ADAMTSL1: variants seen among roughly 807,000 people sequenced by gnomAD.
ADAMTSL1 encodes the protein ADAMTS-like protein 1.
ADAMTSL1 carries 126 observed loss-of-function variants against 201.8 expected under a neutral mutation model. The ratio of observed to expected loss-of-function variants is 0.62; its 90% CI spans 0.54 to 0.72. The LOEUF is 0.72. Among genes scored for constraint, ADAMTSL1 ranks in the 30% least tolerant of loss-of-function variants. The pLI is 0.00. For missense variants in ADAMTSL1, 2,679 were observed against 2,277.8 expected, an observed-to-expected ratio of 1.18 and a Z score of -3.59; for synonymous variants, 1,121 against 903.4, an observed-to-expected ratio of 1.24 and a Z score of -4.32.
chr9:18,778,007 G>A (rs758243119), intron 19 of ADAMTSL1, 101 bp downstream of exon 19: 14 of 1,452,920 alleles, frequency 9.6e-6, no homozygotes, highest in African/African-American at 1.4e-5. Flanking sequence ...CCAGGGGTAG[G>A]GCTTAGAGCT....
intron 23 of ADAMTSL1, among the ~76,000 whole-genome samples, chr9:18,834,579 A>C (rs1825195659): frequency 6.6e-6 from 1 of 152,144 alleles, no homozygotes; most frequent in African/African-American, 2.4e-5. Flanking sequence ...AACATATTTT[A>C]TCAGCCCCCA....
intron 7 of ADAMTSL1, among the ~76,000 whole-genome samples, chr9:18,644,997 C>A (rs555378440): frequency 1.5e-3 from 235 of 152,136 alleles, no homozygotes; most frequent in Non-Finnish European, 2.4e-3. Context: ...AGTTTACAGT[C>A]CCACCAACAG....
chr9:18,114,002 G>A (rs1280597144), intron 1 of ADAMTSL1, among the ~76,000 whole-genome samples: 3 of 152,030 alleles, frequency 2.0e-5, no homozygotes, highest in African/African-American at 4.8e-5. Context: ...TGTCATAAAT[G>A]CGAAGAATGG....
intron 20 of ADAMTSL1, among the ~76,000 whole-genome samples, chr9:18,814,381 T>G (rs1823703373): frequency 2.0e-5 from 3 of 152,148 alleles, no homozygotes; most frequent in Admixed American, 1.3e-4. Flanking sequence ...TACATCCAAC[T>G]GAAAAGCTTC....
At chr9:18,552,498 C>T (rs1490853013) in intron 3 of ADAMTSL1, among the ~76,000 whole-genome samples, 4 of 151,774 alleles carry the variant, frequency 2.6e-5, no homozygotes, top group Admixed American at 6.6e-5. Flanking sequence ...GTTATCCACA[C>T]TTTCTTGTAG....
chr9:18,008,035 A>C (rs1563946155), intron 1 of ADAMTSL1, among the ~76,000 whole-genome samples: 1 of 152,048 alleles, frequency 6.6e-6, no homozygotes. Context: ...TTTTGCTCTA[A>C]TTAGAAAGAA....
chr9:18,150,003 T>C (rs1482184700), intron 1 of ADAMTSL1, among the ~76,000 whole-genome samples: 1 of 152,032 alleles, frequency 6.6e-6, no homozygotes, highest in Admixed American at 6.6e-5. Flanking sequence ...CAAGAACACA[T>C]TTGGAAAGGC....
intron 27 of ADAMTSL1, 146 bp from the exon 28 acceptor site, chr9:18,906,546 G>A: frequency 1.5e-6 from 1 of 668,398 alleles, no homozygotes; most frequent in South Asian, 2.0e-5. Flanking sequence ...TTTAGTAACA[G>A]CACAGAAATC....
At chr9:18,230,733 C>T (rs1830617071) in intron 2 of ADAMTSL1, among the ~76,000 whole-genome samples, 2 of 152,122 alleles carry the variant, frequency 1.3e-5, no homozygotes, top group Admixed American at 1.3e-4. Flanking sequence ...TTTTCCTAAA[C>T]ATTATTATAA....
intron 1 of ADAMTSL1, among the ~76,000 whole-genome samples, chr9:18,044,093 G>A (rs1355249154): frequency 6.6e-6 from 1 of 150,376 alleles, no homozygotes; most frequent in Non-Finnish European, 1.5e-5. Context: ...CCTGCTATGT[G>A]TAGGCTATTG....
intron 2 of ADAMTSL1, among the ~76,000 whole-genome samples, chr9:18,526,846 C>T (rs140763454): frequency 2.0e-5 from 3 of 152,136 alleles, no homozygotes; most frequent in African/African-American, 7.2e-5. Flanking sequence ...TGCAAATCCG[C>T]TTATCTTGTT....
Position 18,777,666 on chromosome 9 carries a change from G to C in ADAMTSL1, c.3437G>C (p.Arg1146Pro), listed in dbSNP as rs771813585. ...GTGTCTGGCTTCAGCAGCTCCCTGC[G>C]GACCTCCTCCACCGGGGACGCCGGG... ...KHVSGFSSSL[R>P]TSSTGDAGGG... The change falls in exon 19 of 29, where the codon CGG becomes CCG. Residue 1146 changes from arginine to proline, a missense_variant. Arg to Pro is a moderately radical substitution (Grantham distance 103). Transcript: ENST00000380548. 8 of 1,613,430 alleles carry C rather than the reference G, an allele frequency of 5.0e-6. No homozygotes were observed. Among genetic ancestry groups the C allele is most frequent in the Middle Eastern group, 1.6e-4 (1 of 6,084 alleles).
At chr9:18,233,974 C>T (rs142633016) in intron 2 of ADAMTSL1, among the ~76,000 whole-genome samples, 2 of 152,300 alleles carry the variant, frequency 1.3e-5, no homozygotes, top group African/African-American at 4.8e-5. Context: ...AACCTGCATT[C>T]TGGCCAACAT....
chr9:18,557,624 A>G (rs1167753345), intron 3 of ADAMTSL1, among the ~76,000 whole-genome samples: 1 of 152,046 alleles, frequency 6.6e-6, no homozygotes, highest in Admixed American at 6.6e-5. Flanking sequence ...AAGCCTGCAG[A>G]CAATATCAAG....
At chr9:18,417,864 A>G (rs1188023434) in intron 2 of ADAMTSL1, among the ~76,000 whole-genome samples, 3 of 152,202 alleles carry the variant, frequency 2.0e-5, no homozygotes, top group Non-Finnish European at 4.4e-5. Context: ...AAACTTCCCA[A>G]CTAATTTTAT....
intron 1 of ADAMTSL1, among the ~76,000 whole-genome samples, chr9:18,134,606 A>G (rs1002557045): frequency 3.3e-5 from 5 of 152,192 alleles, no homozygotes; most frequent in African/African-American, 1.2e-4. Flanking sequence ...TGAAGCACAC[A>G]TTTGACACTG....
intron 2 of ADAMTSL1, among the ~76,000 whole-genome samples, chr9:18,332,446 G>A (rs972837361): frequency 1.3e-5 from 2 of 151,020 alleles, no homozygotes; most frequent in Admixed American, 1.3e-4. Context: ...ATACGCACCA[G>A]TCCAGTTTTC....
chr9:18,620,127 C>A (rs1250735630), intron 4 of ADAMTSL1, among the ~76,000 whole-genome samples: 1 of 149,954 alleles, frequency 6.7e-6, no homozygotes, highest in African/African-American at 2.5e-5. Context: ...CACCTCCCTT[C>A]CATTGTTAAC....
intron 23 of ADAMTSL1, among the ~76,000 whole-genome samples, chr9:18,884,286 AT>A (rs2131523242): frequency 6.6e-6 from 1 of 152,264 alleles, no homozygotes; most frequent in South Asian, 2.1e-4. Flanking sequence ...TAGTTATCAA[AT>A]TTTAAGAGTT....
Sources: allele counts gnomAD v4.1 joint callset (sites outside exome capture counted in the v4.1 genomes callset), GRCh38; gene constraint gnomAD v4.1.1; transcripts MANE v1.5; gene names NCBI Gene and HGNC (gene_info 2026-07-23, HGNC 2026-07-21).